The following BAZ1A variants were observed in gnomAD, a reference collection of about 807,000 sequenced individuals.
BAZ1A encodes bromodomain adjacent to zinc finger domain protein 1A.
Under a neutral mutation model 185.2 loss-of-function variants are expected in BAZ1A, and 50 were observed. The ratio of observed to expected loss-of-function variants is 0.27; its 90% CI spans 0.22 to 0.34. BAZ1A has a LOEUF of 0.34. Ranked by LOEUF, BAZ1A falls within the 10% of genes least tolerant of loss-of-function variation. BAZ1A has a pLI of 1.00. For missense variants in BAZ1A, 1,356 were observed against 1,839.9 expected (o/e 0.74, Z 4.81); for synonymous variants, 571 against 615.6 (o/e 0.93, Z 1.07).
intron 3 of BAZ1A, among the ~76,000 whole-genome samples, chr14:34,832,213 C>CATATATATATATAT (rs1491212993): frequency 3.4e-4 from 27 of 78,662 alleles, no homozygotes; most frequent in African/African-American, 9.8e-4. Flanking sequence ...CACACACACA[C>CATATATATATATAT]ACATATATAT....
At position 34,827,044 on chromosome 14, in the gene BAZ1A, CA is replaced by C. The variant is rs1353712548; in HGVS notation, c.393-889del. Among the ~76,000 whole-genome samples, 13 of 152,158 alleles carry C rather than the reference CA, an allele frequency of 8.5e-5. No individual in the cohort carries two copies. In the South Asian group the frequency reaches 2.7e-3, roughly 32 times the overall value. ...AGCCTTTGGATTTTGGGACTTGCAC[CA>C]GTGTCCCCTCCTCCATACTCTCTCC... On this transcript the variant is annotated intron_variant, in intron 3 of 26. Transcript: ENST00000360310.
intron 14 of BAZ1A, among the ~76,000 whole-genome samples, 185 bp downstream of exon 14, chr14:34,785,591 TA>T (rs778620278): frequency 3.9e-5 from 6 of 152,234 alleles, no homozygotes; most frequent in Non-Finnish European, 5.9e-5. Context: ...CGTTTAAAAA[TA>T]TTAGAAAATC....
At chr14:34,841,076 G>A (rs2042407645) in intron 3 of BAZ1A, among the ~76,000 whole-genome samples, 1 of 151,952 alleles carries the variant, frequency 6.6e-6, no homozygotes, top group Non-Finnish European at 1.5e-5. Flanking sequence ...AGCCTCCCAA[G>A]TAGGTGGGAT....
At chr14:34,845,203 CT>C (rs1245702696) in intron 3 of BAZ1A, 1 of 150,454 alleles carries the variant, frequency 6.6e-6, no homozygotes, top group Non-Finnish European at 1.5e-5. Context: ...TTTTTTCATA[CT>C]TTTACTACTC....
At chr14:34,787,969 T>C (rs1880589121) in intron 12 of BAZ1A, among the ~76,000 whole-genome samples, 1 of 152,148 alleles carries the variant, frequency 6.6e-6, no homozygotes, top group Non-Finnish European at 1.5e-5. Flanking sequence ...TTAGCTATGC[T>C]AGTGCCTAGT....
intron 2 of BAZ1A, among the ~76,000 whole-genome samples, chr14:34,866,898 T>C (rs2042870007): frequency 6.6e-6 from 1 of 151,614 alleles, no homozygotes; most frequent in Admixed American, 6.6e-5. Flanking sequence ...TATCACAAAA[T>C]AATTTCATTT....
intron 3 of BAZ1A, among the ~76,000 whole-genome samples, chr14:34,829,579 T>C (rs918434177): frequency 2.0e-5 from 3 of 152,190 alleles, no homozygotes; most frequent in South Asian, 2.1e-4. Flanking sequence ...GTGTGACTTA[T>C]ATTGTCTCTC....
At chr14:34,859,851 C>T (rs1426096676) in intron 3 of BAZ1A, among the ~76,000 whole-genome samples, 1 of 152,176 alleles carries the variant, frequency 6.6e-6, no homozygotes, top group Non-Finnish European at 1.5e-5. Context: ...TTCGTGCTGT[C>T]TCCAGTCTTT....
chr14:34,784,896 G>A (rs185907998), intron 14 of BAZ1A, among the ~76,000 whole-genome samples: 105 of 152,036 alleles, frequency 6.9e-4, no homozygotes, highest in African/African-American at 2.3e-3. Context: ...TTGCTGTGTC[G>A]CCCAGGCTGG....
chr14:34,774,303 CTA>C, intron 19 of BAZ1A, 22 bp downstream of exon 19: 1 of 1,587,410 alleles, frequency 6.3e-7, no homozygotes, highest in Non-Finnish European at 8.6e-7. Flanking sequence ...ATTAGACAAA[CTA>C]AAAATGGGAA....
intron 3 of BAZ1A, among the ~76,000 whole-genome samples, chr14:34,832,225 T>TATATATATATATATATATATATAA (rs2042259555): frequency 1.0e-5 from 1 of 99,528 alleles, no homozygotes; most frequent in African/African-American, 3.1e-5. Context: ...CATATATATA[T>TATATATATATATATATATATATAA]ATATATGTAT....
chr14:34,861,722 G>A (rs61988035), intron 3 of BAZ1A, among the ~76,000 whole-genome samples: 1 of 152,138 alleles, frequency 6.6e-6, no homozygotes, highest in Non-Finnish European at 1.5e-5. Context: ...TAACCTTCAA[G>A]ATCTTTTAAG....
chr14:34,820,413 T>C (rs2042072356), intron 4 of BAZ1A, among the ~76,000 whole-genome samples: 1 of 152,230 alleles, frequency 6.6e-6, no homozygotes, highest in South Asian at 2.1e-4. Context: ...ATTACAGGCG[T>C]GAGCCATGGT....
intron 3 of BAZ1A, among the ~76,000 whole-genome samples, chr14:34,841,136 T>C (rs1480838352): frequency 6.6e-6 from 1 of 151,992 alleles, no homozygotes; most frequent in Non-Finnish European, 1.5e-5. Context: ...TTAGTAAAGA[T>C]GGGGTTTCAC....
In BAZ1A at chr14:34,794,898, G is replaced by A. The variant is rs2138639953; in HGVS notation, c.1225-11C>T. 1 of 1,607,574 alleles carries A rather than the reference G, an allele frequency of 6.2e-7. No individual in the cohort carries two copies. Among genetic ancestry groups the A allele is most frequent in the Non-Finnish European group, 8.5e-7 (1 of 1,178,316 alleles). On this transcript the variant is annotated splice_polypyrimidine_tract_variant and intron_variant, in intron 10 of 26. Coordinates refer to ENST00000360310, the MANE Select transcript of BAZ1A (RefSeq NM_013448.3). ...TGGTTCTGGAAGTTCCTGAAATATT[G>A]AACAATTTATATAACTATTTGAACC...
chr14:34,848,745 C>T (rs1292037576), intron 3 of BAZ1A, among the ~76,000 whole-genome samples: 1 of 152,020 alleles, frequency 6.6e-6, no homozygotes, highest in East Asian at 1.9e-4. Flanking sequence ...ATTTTAAATC[C>T]AAATACTATG....
intron 3 of BAZ1A, among the ~76,000 whole-genome samples, chr14:34,860,388 G>A (rs189751374): frequency 1.3e-5 from 2 of 151,954 alleles, no homozygotes. Flanking sequence ...TGCACCTGTA[G>A]TCCCAGCTAC....
intron 2 of BAZ1A, among the ~76,000 whole-genome samples, chr14:34,869,394 C>G (rs1179784969): frequency 1.3e-5 from 2 of 152,054 alleles, no homozygotes; most frequent in African/African-American, 4.8e-5. Flanking sequence ...CTCATGTTTT[C>G]AAGAGAGAAA....
At chr14:34,799,322 A>G (rs1373441907) in intron 9 of BAZ1A, among the ~76,000 whole-genome samples, 2 of 152,096 alleles carry the variant, frequency 1.3e-5, no homozygotes, top group African/African-American at 4.8e-5. Flanking sequence ...AACATGGCAC[A>G]TGTATACCTA....
Sources: gnomAD v4.1 joint callset for allele counts (sites outside exome capture counted in the v4.1 genomes callset) on GRCh38, gnomAD v4.1.1 for gene constraint, MANE v1.5 for transcripts, NCBI Gene and HGNC (gene_info 2026-07-23, HGNC 2026-07-21) for gene names.